VPS35L: variants seen among roughly 807,000 people sequenced by gnomAD.
VPS35L encodes VPS35 endosomal protein-sorting factor-like.
VPS35L carries 83 observed loss-of-function variants against 133.0 expected under a neutral mutation model. The ratio of observed to expected loss-of-function variants is 0.62; its 90% CI spans 0.52 to 0.75. VPS35L has a LOEUF of 0.75. Ranked by LOEUF, VPS35L falls within the 30% of genes least tolerant of loss-of-function variation. VPS35L has a pLI of 0.00. For missense variants in VPS35L, 1,083 were observed against 1,206.8 expected, an observed-to-expected ratio of 0.90 and a Z score of 1.52; for synonymous variants, 423 against 449.9, an observed-to-expected ratio of 0.94 and a Z score of 0.76.
chr16:19,580,489 C>T (rs1971675543), intron 6 of VPS35L, among the ~76,000 whole-genome samples: 2 of 152,080 alleles, frequency 1.3e-5, no homozygotes, highest in South Asian at 4.1e-4. Flanking sequence ...TTCCAGGTCT[C>T]ATCATGTGTG....
At chr16:19,673,710 G>A (rs1369911693) in intron 27 of VPS35L, among the ~76,000 whole-genome samples, 1 of 152,106 alleles carries the variant, frequency 6.6e-6, no homozygotes, top group East Asian at 1.9e-4. Flanking sequence ...ACCTCACTAG[G>A]TGCCCCATGC....
chr16:19,685,389 A>G (rs1975422277), intron 28 of VPS35L, among the ~76,000 whole-genome samples: 1 of 152,206 alleles, frequency 6.6e-6, no homozygotes, highest in Admixed American at 6.5e-5. Flanking sequence ...GCATTGCTGT[A>G]TAGTATTCCT....
At chr16:19,612,361 C>A (rs2151549181) in intron 12 of VPS35L, among the ~76,000 whole-genome samples, 1 of 152,300 alleles carries the variant, frequency 6.6e-6, no homozygotes, top group Admixed American at 6.5e-5. Context: ...TCAAGCGATT[C>A]TCATGTCTCA....
At chr16:19,561,854 C>T (rs1329374304) in intron 1 of VPS35L, among the ~76,000 whole-genome samples, 1 of 152,082 alleles carries the variant, frequency 6.6e-6, no homozygotes, top group African/African-American at 2.4e-5. Context: ...GTTTCTAATC[C>T]CAGCAGTTTG....
chr16:19,645,224 T>C (rs1973903247), intron 23 of VPS35L, among the ~76,000 whole-genome samples: 1 of 151,310 alleles, frequency 6.6e-6, no homozygotes, highest in Non-Finnish European at 1.5e-5. Flanking sequence ...GCTGGAACTC[T>C]CCAAAGCAGC....
Position 19,627,692 on chromosome 16 carries a change from A to G in VPS35L, c.1272-2A>G. 6.2e-7 allele frequency: 1 copy of G among 1,609,038 alleles called. No homozygotes were observed. Among genetic ancestry groups the G allele is most frequent in the Non-Finnish European group, 8.5e-7 (1 of 1,175,444 alleles). ...GCTGACTTGGGGATCTGTGTCTTGC[A>G]GTGCCTTGCTGTTGAATTCTGTGAT... is the stretch of plus-strand genomic sequence containing the variant. On this transcript the variant is annotated splice_acceptor_variant, in intron 15 of 30. Transcript: ENST00000417362. LOFTEE classifies it high-confidence loss of function.
At chr16:19,563,699 A>G (rs576115987) in intron 1 of VPS35L, among the ~76,000 whole-genome samples, 2 of 152,358 alleles carry the variant, frequency 1.3e-5, no homozygotes, top group African/African-American at 4.8e-5. Flanking sequence ...CAATGAAAAC[A>G]CAGTGAGCTC....
intron 11 of VPS35L, among the ~76,000 whole-genome samples, 162 bp downstream of exon 11, chr16:19,609,183 A>G (rs1972629293): frequency 6.6e-6 from 1 of 152,250 alleles, no homozygotes; most frequent in Non-Finnish European, 1.5e-5. Context: ...TGAAAACTGA[A>G]TGAAGTAGAG....
intron 29 of VPS35L, among the ~76,000 whole-genome samples, chr16:19,695,934 T>G (rs575316773): frequency 1.3e-5 from 2 of 152,248 alleles, no homozygotes; most frequent in East Asian, 3.9e-4. Flanking sequence ...TTGCCCAGAC[T>G]GGAGTGTAGT....
intron 25 of VPS35L, 64 bp downstream of exon 25, chr16:19,650,523 A>G: frequency 1.6e-6 from 2 of 1,262,674 alleles, no homozygotes; most frequent in Non-Finnish European, 2.3e-6. Flanking sequence ...TTTGCAGGTT[A>G]CTAAATTACA....
chr16:19,601,765 G>A (rs1216705460), intron 9 of VPS35L, 42 bp downstream of exon 9: 2 of 1,594,610 alleles, frequency 1.3e-6, no homozygotes, highest in East Asian at 2.2e-5. Flanking sequence ...CTGCCCTGGA[G>A]TCAGGACTAG....
intron 18 of VPS35L, among the ~76,000 whole-genome samples, chr16:19,630,892 C>T (rs915195229): frequency 1.3e-5 from 2 of 152,040 alleles, no homozygotes; most frequent in African/African-American, 4.8e-5. Flanking sequence ...GCCTGTAGTC[C>T]TAGCTACCCA....
At chr16:19,609,238 G>A (rs1356054222) in intron 11 of VPS35L, among the ~76,000 whole-genome samples, 4 of 152,182 alleles carry the variant, frequency 2.6e-5, no homozygotes, top group Non-Finnish European at 5.9e-5. Flanking sequence ...ACTCAAGCCT[G>A]GAGAAGTTGG....
At chr16:19,608,094 TC>T in intron 9 of VPS35L, 83 bp from the exon 10 acceptor site, 1 of 982,442 alleles carries the variant, frequency 1.0e-6, no homozygotes, top group Non-Finnish European at 1.6e-6. Context: ...CCTTTTCTGC[TC>T]CAGGGTAATG....
intron 14 of VPS35L, among the ~76,000 whole-genome samples, chr16:19,620,241 C>T (rs547963570): frequency 6.6e-6 from 1 of 152,084 alleles, no homozygotes; most frequent in Non-Finnish European, 1.5e-5. Context: ...CTGGAGATCA[C>T]CTTAAAAAAT....
chr16:19,619,653 C>G (rs1376987259), intron 14 of VPS35L, among the ~76,000 whole-genome samples: 1 of 152,042 alleles, frequency 6.6e-6, no homozygotes, highest in African/African-American at 2.4e-5. Context: ...CCAGTCATCT[C>G]AAAGGATGGC....
At chr16:19,677,050 G>T (rs1268336377) in intron 27 of VPS35L, among the ~76,000 whole-genome samples, 1 of 150,206 alleles carries the variant, frequency 6.7e-6, no homozygotes, top group Non-Finnish European at 1.5e-5. Context: ...CATCTCAAAA[G>T]AAAAAGTTTT....
chr16:19,614,013 A>G (rs931848095), intron 12 of VPS35L, among the ~76,000 whole-genome samples: 2 of 152,080 alleles, frequency 1.3e-5, no homozygotes, highest in African/African-American at 4.8e-5. Flanking sequence ...ACAGAAAACA[A>G]AAGCTCTGAG....
intron 18 of VPS35L, among the ~76,000 whole-genome samples, chr16:19,631,363 C>T (rs768538137): frequency 7.9e-5 from 12 of 152,282 alleles, no homozygotes; most frequent in Non-Finnish European, 1.6e-4. Flanking sequence ...ACCCCCAGAA[C>T]TGCCTCTCCC....
Sources: allele counts gnomAD v4.1 joint callset (sites outside exome capture counted in the v4.1 genomes callset), GRCh38; gene constraint gnomAD v4.1.1; transcripts MANE v1.5; gene names NCBI Gene and HGNC (gene_info 2026-07-23, HGNC 2026-07-21).